Variants in PCDHGB3 observed in about 807,000 individuals in gnomAD.
The protein encoded by PCDHGB3 is protocadherin gamma subfamily B, 3, also known as protocadherin gamma-B3.
Under a neutral mutation model 59.2 loss-of-function variants are expected in PCDHGB3, and 40 were observed. The observed-to-expected ratio is 0.68, with a 90% CI of 0.52 to 0.88. PCDHGB3 has a LOEUF of 0.88. PCDHGB3 is among the 40% of genes least tolerant of loss of function. The pLI is 0.00. For synonymous variants in PCDHGB3, 581 were observed against 503.6 expected, an observed-to-expected ratio of 1.15 and a Z score of -2.06; for missense variants, 1,309 against 1,187.9, an observed-to-expected ratio of 1.10 and a Z score of -1.50.
At chr5:141,433,381 A>ATCTC (rs1561869478) in intron 1 of PCDHGB3, among the ~76,000 whole-genome samples, 1 of 151,148 alleles carries the variant, frequency 6.6e-6, no homozygotes, top group Admixed American at 6.6e-5. Flanking sequence ...CTATCTATCT[A>ATCTC]TCTATCTATC....
At chr5:141,469,425 C>T (rs1035406646) in intron 1 of PCDHGB3, among the ~76,000 whole-genome samples, 1 of 151,622 alleles carries the variant, frequency 6.6e-6, no homozygotes, top group East Asian at 1.9e-4. Context: ...AAATATAAAA[C>T]TTAGCTGGGC....
chr5:141,444,265 A>G (rs1355824197), intron 1 of PCDHGB3, among the ~76,000 whole-genome samples: 3 of 133,712 alleles, frequency 2.2e-5, no homozygotes, highest in Non-Finnish European at 3.1e-5. Flanking sequence ...TCCGCCTCCC[A>G]GGTTCAAGTG....
rs774456704 is a variant in PCDHGB3, at chr5:141,390,013, C to T, written c.2415+17204C>T. On this transcript the variant is annotated intron_variant, in intron 1 of 3. Coordinates refer to ENST00000576222, the MANE Select transcript of PCDHGB3 (RefSeq NM_018924.5). ...CTCGTGGCCATGATTCTGGCCATTG[C>T]CTTGCGCCTGCGACGCTCCTCCAGC... 1.3e-4 allele frequency: 202 copies of T among 1,613,936 alleles called. No homozygotes were observed. The highest frequency in any genetic ancestry group is 1.6e-4 in the Non-Finnish European group (192 of 1,179,918).
At chr5:141,410,362 C>A (rs1270552318) in intron 1 of PCDHGB3, 13 of 1,613,954 alleles carry the variant, frequency 8.1e-6, no homozygotes, top group Non-Finnish European at 1.0e-5. Context: ...GCTCTCTCAG[C>A]CCTGCTACTT....
chr5:141,450,991 A>AT (rs1351194705), intron 1 of PCDHGB3, among the ~76,000 whole-genome samples: 1 of 150,700 alleles, frequency 6.6e-6, no homozygotes. Context: ...CACCCGGCTA[A>AT]TTTTTTTGTA....
intron 1 of PCDHGB3, among the ~76,000 whole-genome samples, chr5:141,494,568 C>T (rs2099755322): frequency 6.6e-6 from 1 of 152,138 alleles, no homozygotes; most frequent in African/African-American, 2.4e-5. Context: ...GGAAAGGAGT[C>T]TCAGCTTGCT....
At chr5:141,375,794 G>A (rs754100940) in intron 1 of PCDHGB3, 1 of 1,614,170 alleles carries the variant, frequency 6.2e-7, no homozygotes, top group East Asian at 2.2e-5. Context: ...CCCCACAGAC[G>A]GTTCCACTGG....
chr5:141,394,298 G>A (rs763864270), intron 1 of PCDHGB3: 1 of 1,613,840 alleles, frequency 6.2e-7, no homozygotes, highest in African/African-American at 1.3e-5. Context: ...CCGAGGACAC[G>A]CTGCAGGGGG....
intron 1 of PCDHGB3, among the ~76,000 whole-genome samples, chr5:141,464,263 T>TA (rs35224477): frequency 7.1e-4 from 74 of 103,538 alleles, no homozygotes; most frequent in East Asian, 1.9e-3. Flanking sequence ...AGACTCCGTC[T>TA]AAAAAAAAAA....
At chr5:141,395,102 G>A (rs766050798) in intron 1 of PCDHGB3, 2 of 1,614,172 alleles carry the variant, frequency 1.2e-6, no homozygotes, top group East Asian at 2.2e-5. Flanking sequence ...CCGCCGACTC[G>A]CGGAAGAGTC....
intron 1 of PCDHGB3, chr5:141,415,542 T>C (rs770960227): frequency 1.2e-5 from 19 of 1,614,056 alleles, no homozygotes; most frequent in Non-Finnish European, 9.3e-6. Context: ...AGGAGAGCTG[T>C]GAGAAAAACG....
chr5:141,462,375 T>G (rs2099038282), intron 1 of PCDHGB3, among the ~76,000 whole-genome samples: 1 of 152,252 alleles, frequency 6.6e-6, no homozygotes, highest in Non-Finnish European at 1.5e-5. Context: ...TTCTATTCTT[T>G]TAAATTCGTT....
Position 141,376,431 on chromosome 5 carries a change from A to T in PCDHGB3, c.2415+3622A>T, listed in dbSNP as rs372723180. On this transcript the variant is annotated intron_variant, in intron 1 of 3. Coordinates refer to ENST00000576222, the MANE Select transcript of PCDHGB3 (RefSeq NM_018924.5). ...TATGCCGACACGCTTATCAACCAGG[A>T]GAGCTATGAGAAAAGCGAGCCTCTT... The T allele has an allele frequency of 9.0e-5, 145 of 1,614,074 alleles. No homozygotes were observed. The highest frequency in any genetic ancestry group is 1.2e-4 in the Non-Finnish European group (143 of 1,180,046).
intron 1 of PCDHGB3, chr5:141,414,799 G>T (rs1177065576): frequency 1.9e-6 from 3 of 1,614,096 alleles, no homozygotes; most frequent in Non-Finnish European, 2.5e-6. Flanking sequence ...CAGCGACAGC[G>T]GGGATCCTCC....
chr5:141,486,150 G>T lies in PCDHGB3; in HGVS notation c.2416-8657G>T. The T allele has an allele frequency of 6.2e-7, 1 of 1,614,180 alleles. No individual in the cohort carries two copies. The highest frequency in any genetic ancestry group is 8.5e-7 in the Non-Finnish European group (1 of 1,180,030). On this transcript the variant is annotated intron_variant, in intron 1 of 3. Transcript: ENST00000576222. This position sits in a 1 kb window ranked among gnomAD's most constrained non-coding sequence, Gnocchi z 5.0. The stretch of plus-strand genomic sequence containing the variant: ...TTTGATGTGCGGGCTCGCGATGGGG[G>T]TTCTCCAGCCATGGAGCAACATTGC...
intron 1 of PCDHGB3, chr5:141,418,463 C>A (rs1046926260): frequency 1.2e-6 from 2 of 1,613,826 alleles, no homozygotes; most frequent in Non-Finnish European, 1.7e-6. Context: ...GACTCTGGAC[C>A]GAGAAACGCA....
rs747159210 is a variant in PCDHGB3, at chr5:141,511,184, A to C, written c.*11A>C. 1.2e-5 allele frequency: 19 copies of C among 1,613,876 alleles called. No homozygotes were observed. In the Admixed American group the frequency reaches 3.2e-4, roughly 27 times the overall value. ...AAGGAGAAGAAGTAACATGGAGGCC[A>C]GGCCAAGAGCCACAGGGCGGCCTCT... is the stretch of plus-strand genomic sequence containing the variant. On this transcript the variant is annotated 3_prime_UTR_variant, in exon 4 of 4. Transcript: ENST00000576222.
intron 1 of PCDHGB3, among the ~76,000 whole-genome samples, chr5:141,453,670 G>A (rs191035462): frequency 2.5e-4 from 38 of 152,224 alleles, no homozygotes; most frequent in Middle Eastern, 6.8e-3. Context: ...TACACAAAAG[G>A]TAACACACTA....
chr5:141,489,635 G>T lies in PCDHGB3; in HGVS notation c.2416-5172G>T, dbSNP rs1380466520. On this transcript the variant is annotated intron_variant, in intron 1 of 3. Coordinates refer to ENST00000576222, the MANE Select transcript of PCDHGB3 (RefSeq NM_018924.5). This position sits in a 1 kb window ranked among gnomAD's most constrained non-coding sequence, Gnocchi z 4.5. ...CTGGATCTCAATGACAACTCTCCTA[G>T]CTTTGCCACCCCTGAGCGAGAGATG... 1.2e-6 allele frequency: 2 copies of T among 1,614,024 alleles called. No homozygotes were observed. The highest frequency in any genetic ancestry group is 2.7e-5 in the African/African-American group (2 of 74,908).
Sources: allele counts gnomAD v4.1 joint callset (sites outside exome capture counted in the v4.1 genomes callset), GRCh38; gene constraint gnomAD v4.1.1; non-coding constraint Gnocchi (gnomAD v3.1); transcripts MANE v1.5; gene names NCBI Gene and HGNC (gene_info 2026-07-23, HGNC 2026-07-21).